Variants in LARGE1 observed in about 807,000 individuals in gnomAD.
LARGE1 encodes LARGE xylosyl- and glucuronyltransferase 1, also known as xylosyl- and glucuronyltransferase LARGE1.
LARGE1 carries 43 observed loss-of-function variants against 87.6 expected under a neutral mutation model. The observed-to-expected ratio is 0.49, with a 90% CI of 0.38 to 0.63. LARGE1 has a LOEUF of 0.63. LARGE1 is among the 30% of genes least tolerant of loss of function. The pLI is 0.00. For missense variants in LARGE1, 802 were observed against 1,000.2 expected, an observed-to-expected ratio of 0.80 and a Z score of 2.67; for synonymous variants, 434 against 394.6, an observed-to-expected ratio of 1.10 and a Z score of -1.18.
At chr22:33,340,763 A>G (rs1384832088) in intron 9 of LARGE1, among the ~76,000 whole-genome samples, 1 of 151,832 alleles carries the variant, frequency 6.6e-6, no homozygotes, top group East Asian at 1.9e-4. Flanking sequence ...CAATGACCCT[A>G]GCAAGGCATG....
intron 2 of LARGE1, among the ~76,000 whole-genome samples, chr22:33,661,944 A>T (rs2081135155): frequency 6.6e-6 from 1 of 152,106 alleles, no homozygotes; most frequent in African/African-American, 2.4e-5. Flanking sequence ...GTAAGAAGAA[A>T]ACTGAATGTG....
rs565689190 is a variant in LARGE1, at chr22:33,642,460, T to C, written c.408+7907A>G. The stretch of plus-strand genomic sequence containing the variant: ...CAAATTATAAAGATCAATGACATTA[T>C]GAAGAAACTGCATCAACTAATGTGC... On this transcript the variant is annotated intron_variant, in intron 3 of 14. Coordinates refer to ENST00000397394, the MANE Select transcript of LARGE1 (RefSeq NM_133642.5). 2.6e-5 allele frequency among the ~76,000 whole-genome samples: 4 copies of C among 152,018 alleles called. No homozygotes were observed. In the East Asian group the frequency reaches 5.8e-4, roughly 22 times the overall value.
chr22:33,112,039 A>G, the LARGE1 span, among the ~76,000 whole-genome samples: 1 of 152,242 alleles, frequency 6.6e-6, no homozygotes, highest in Non-Finnish European at 1.5e-5. Context: ...GACTTAGCAC[A>G]TTATCCCAAG....
At chr22:33,517,115 T>C (rs2071346929) in intron 6 of LARGE1, among the ~76,000 whole-genome samples, 1 of 152,188 alleles carries the variant, frequency 6.6e-6, no homozygotes, top group Non-Finnish European at 1.5e-5. Context: ...GTGGCATTTT[T>C]TTCCCTACAA....
At chr22:33,810,873 G>A (rs897030976) in intron 1 of LARGE1, among the ~76,000 whole-genome samples, 1 of 151,974 alleles carries the variant, frequency 6.6e-6, no homozygotes, top group Non-Finnish European at 1.5e-5. Context: ...ACAGGTGTGC[G>A]CCACCGTGCC....
At chr22:33,462,259 T>C (rs984777365) in intron 6 of LARGE1, among the ~76,000 whole-genome samples, 2 of 151,926 alleles carry the variant, frequency 1.3e-5, no homozygotes, top group Non-Finnish European at 2.9e-5. Flanking sequence ...TGAGAGAAAA[T>C]AAGTGTCAAC....
intron 6 of LARGE1, among the ~76,000 whole-genome samples, chr22:33,540,928 G>A (rs1466024898): frequency 6.6e-6 from 1 of 151,690 alleles, no homozygotes; most frequent in Middle Eastern, 3.4e-3. Flanking sequence ...GAGCACAGGA[G>A]TTCAAGACCA....
intron 6 of LARGE1, among the ~76,000 whole-genome samples, chr22:33,445,593 C>A (rs775045732): frequency 1.3e-5 from 2 of 151,838 alleles, no homozygotes; most frequent in Non-Finnish European, 2.9e-5. Flanking sequence ...AGCTCTTAAG[C>A]CCCTTGGAAT....
At chr22:33,262,278 A>G (rs1927674044) in intron 11 of LARGE1, among the ~76,000 whole-genome samples, 1 of 152,022 alleles carries the variant, frequency 6.6e-6, no homozygotes, top group Non-Finnish European at 1.5e-5. Context: ...TCCTAAAAGA[A>G]CTCCTGGAAA....
rs987990814 is a variant in LARGE1, at chr22:33,615,021, C to T, written c.492-10463G>A. ...CCTTCTGTTCTCAAGTTAGACACCA[C>T]AGTTCTGAGGAGGCCATTCCACGGT... On this transcript the variant is annotated intron_variant, in intron 4 of 14. Transcript: ENST00000397394. 3.3e-5 allele frequency among the ~76,000 whole-genome samples: 5 copies of T among 152,216 alleles called. No homozygotes were observed. In the East Asian group the frequency reaches 9.6e-4, roughly 29 times the overall value.
At chr22:33,202,523 A>G (rs1005340323) in intron 11 of LARGE1, among the ~76,000 whole-genome samples, 1 of 152,240 alleles carries the variant, frequency 6.6e-6, no homozygotes. Flanking sequence ...TGCCAGGCCA[A>G]TAAAGGATGA....
rs528029331 is a variant in LARGE1 at position 33,680,791 on chromosome 22, C to T, written c.107-30123G>A. Among the ~76,000 whole-genome samples, 40 of 151,380 alleles carry T rather than the reference C, an allele frequency of 2.6e-4. 3 individuals carry two copies. The highest frequency in any genetic ancestry group is 8.6e-4 in the African/African-American group (35 of 40,856). On this transcript the variant is annotated intron_variant, in intron 2 of 14. Transcript: ENST00000397394. ...ACTCAGATGTCTTCTCAGAATACCCCCTTATCATCTGCTTTAGGAAAAAAA... is the reference window on the plus strand; with the variant it reads ...ACTCAGATGTCTTCTCAGAATACCCTCTTATCATCTGCTTTAGGAAAAAAA...
intron 12 of LARGE1, among the ~76,000 whole-genome samples, chr22:33,284,767 T>C (rs574293009): frequency 9.9e-5 from 15 of 152,110 alleles, no homozygotes; most frequent in African/African-American, 3.6e-4. Flanking sequence ...TAGTAGAGAC[T>C]GGGTTTCACC....
intron 6 of LARGE1, among the ~76,000 whole-genome samples, chr22:33,433,711 C>T (rs181180029): frequency 7.9e-5 from 12 of 151,510 alleles, no homozygotes; most frequent in Non-Finnish European, 1.6e-4. Flanking sequence ...TACAGCTAAC[C>T]AATACCTTTT....
At position 33,446,951 on chromosome 22, in the gene LARGE1, T is replaced by G. The variant is rs1037670340; in HGVS notation, c.788-14686A>C. The stretch of plus-strand genomic sequence containing the variant: ...CTCTGTCACCCAGGCTGGAATTCAG[T>G]GGCACCATCTCGGTTCACTGCAATC... On this transcript the variant is annotated intron_variant, in intron 6 of 14. Coordinates refer to ENST00000397394, the MANE Select transcript of LARGE1 (RefSeq NM_133642.5). 3.9e-5 allele frequency among the ~76,000 whole-genome samples: 6 copies of G among 152,348 alleles called. No homozygotes were observed. In the East Asian group the frequency reaches 7.7e-4, roughly 20 times the overall value.
At chr22:33,550,295 G>A (rs1298020327) in intron 6 of LARGE1, among the ~76,000 whole-genome samples, 1 of 151,906 alleles carries the variant, frequency 6.6e-6, no homozygotes, top group Non-Finnish European at 1.5e-5. Flanking sequence ...TATTCCTAAA[G>A]GACCCTACAC....
chr22:33,219,830 G>A (rs147815860), intron 11 of LARGE1, among the ~76,000 whole-genome samples: 1 of 152,250 alleles, frequency 6.6e-6, no homozygotes, highest in East Asian at 1.9e-4. Flanking sequence ...CACGGAGCAG[G>A]TAATTAGTTT....
intron 2 of LARGE1, among the ~76,000 whole-genome samples, chr22:33,693,057 T>TAC (rs1569376944): frequency 6.6e-6 from 1 of 152,208 alleles, no homozygotes; most frequent in Non-Finnish European, 1.5e-5. Flanking sequence ...CATGGAATAC[T>TAC]ACACAGCCAT....
chr22:33,078,924 G>A, the LARGE1 span, among the ~76,000 whole-genome samples: 3 of 152,186 alleles, frequency 2.0e-5, no homozygotes, highest in African/African-American at 7.2e-5. Flanking sequence ...AAAATATCAC[G>A]TGCAAAGGCA....
Sources: allele counts gnomAD v4.1 joint callset (sites outside exome capture counted in the v4.1 genomes callset), GRCh38; gene constraint gnomAD v4.1.1; transcripts MANE v1.5; gene names NCBI Gene and HGNC (gene_info 2026-07-23, HGNC 2026-07-21).